MUC5B: variants seen among roughly 807,000 people sequenced by gnomAD.
The protein encoded by MUC5B is mucin-5B.
Under a neutral mutation model 376.9 loss-of-function variants are expected in MUC5B, and 116 were observed. The ratio of observed to expected loss-of-function variants is 0.31; its 90% confidence interval spans 0.26 to 0.36. MUC5B has a LOEUF of 0.36. Ranked by LOEUF, MUC5B falls within the 10% of genes least tolerant of loss-of-function variation. The probability of loss-of-function intolerance (pLI) is 1.00; values close to 1 mark genes in which losing one functional copy is unlikely to be tolerated. For missense variants in MUC5B, 7,165 were observed against 7,769.9 expected (o/e 0.92, Z 2.93); for synonymous variants, 3,517 against 3,390.9 (o/e 1.04, Z -1.29).
chr11:1,226,964 G>A (rs970016998), intron 4 of MUC5B, 67 bp from the exon 5 acceptor site: 6 of 1,568,812 alleles, frequency 3.8e-6, no homozygotes, highest in Admixed American at 1.8e-5. Context: ...GCCAGGGCTG[G>A]GGGGGGGTTG....
In MUC5B at chr11:1,262,036, G is replaced by T. The variant is rs777963881; in HGVS notation, c.*428G>T. On this transcript the variant is annotated 3_prime_UTR_variant, in exon 49 of 49. Transcript: ENST00000529681. The stretch of plus-strand genomic sequence containing the variant: ...CTGCCAGGAAGCTGCGACAGGCAAG[G>T]CGGCCGCCTGTCCATGCCTGCTGCA... The T allele has an allele frequency of 2.3e-5, 12 of 515,658 alleles. No homozygotes were observed. 31.9% of individuals were successfully genotyped at this position (515,658 alleles called of 1,614,324 possible).
rs148759448 is a variant in MUC5B, at chr11:1,252,416, T to C, written c.14937T>C (p.Ile4979=). 0.03 allele frequency: 47,759 copies of C among 1,611,078 alleles called. 907 individuals carry two copies. The highest frequency in any genetic ancestry group is 0.033 in the Non-Finnish European group (38,435 of 1,178,964). The change falls in exon 32 of 49, where the codon ATT becomes ATC. Residue 4979 remains isoleucine, a synonymous_variant. Transcript: ENST00000529681. ...CAGTGTGCAATCAGCACTGTGACAT[T>C]GACCGCTTCCAGGGCGCCTGTCCCA... ...FYAVCNQHCD[I]DRFQGACPTS...
chr11:1,259,220 A>C (rs1285160197), intron 44 of MUC5B, among the ~76,000 whole-genome samples, 159 bp downstream of exon 44: 2 of 105,284 alleles, frequency 1.9e-5, no homozygotes, highest in African/African-American at 3.8e-5. Flanking sequence ...CTTGCCCCCA[A>C]GTGAGACCCG....
At chr11:1,229,440 G>A in intron 9 of MUC5B, 145 bp downstream of exon 9, 1 of 1,050,520 alleles carries the variant, frequency 9.5e-7, no homozygotes, top group South Asian at 1.7e-5. Context: ...GCACTGGCTG[G>A]GAGGGTGCCG....
chr11:1,247,125 C>G lies in MUC5B; in HGVS notation c.10245C>G (p.Ile3415Met), dbSNP rs779255372. 2.5e-6 allele frequency: 4 copies of G among 1,568,724 alleles called. No homozygotes were observed. The East Asian group carries it at 7.2e-5, about 28-fold the overall frequency. The change falls in exon 31 of 49, where the codon ATC becomes ATG. Residue 3415 changes from isoleucine (I) to methionine (M), a missense_variant. Ile to Met is a conservative substitution (Grantham distance 10). Coordinates refer to ENST00000529681, the MANE Select transcript of MUC5B (RefSeq NM_002458.3). ...CCTCAACTCCAGGGACAACTCCCATCCCCCCAGTGCTGACCACCACCGCCA... is the reference window on the plus strand; with the variant it reads ...CCTCAACTCCAGGGACAACTCCCATGCCCCCAGTGCTGACCACCACCGCCA... ...NPSSTPGTTP[I>M]PPVLTTTATT...
chr11:1,234,273 C>T lies in MUC5B; in HGVS notation c.2446C>T (p.Leu816Phe). The change falls in exon 20 of 49, where the codon CTC becomes TTC. Residue 816 changes from leucine to phenylalanine, a missense_variant. Transcript: ENST00000529681. The surrounding 1 kb of genome is among the most constrained non-coding windows in gnomAD (Gnocchi z 6.3). ...SSAGTPGAEC[L>F]RSCHTLDVGC... Reference sequence around the variant, plus strand: ...GGCGGGCACCCCTGGGGCCGAGTGCCTCCGGAGCTGCCACACGCTGGACGT... The same window carrying T: ...GGCGGGCACCCCTGGGGCCGAGTGCTTCCGGAGCTGCCACACGCTGGACGT... 6.2e-7 allele frequency: 1 copy of T among 1,607,008 alleles called. No homozygotes were observed. Among genetic ancestry groups the T allele is most frequent in the Non-Finnish European group, 8.5e-7 (1 of 1,178,304 alleles).
intron 48 of MUC5B, among the ~76,000 whole-genome samples, 183 bp downstream of exon 48, chr11:1,260,911 C>T (rs1449042547): frequency 1.3e-5 from 2 of 152,228 alleles, no homozygotes; most frequent in African/African-American, 2.4e-5. Context: ...TGGGGCCGCT[C>T]TCCTAGCCAG....
At chr11:1,233,760 G>A (rs55771420) in intron 18 of MUC5B, 33 bp from the exon 19 acceptor site, 36,117 of 1,584,622 alleles carry the variant, frequency 0.023, 504 homozygotes, top group Non-Finnish European at 0.027. Context: ...GGTGAGGGCC[G>A]CAGATCCAGG....
rs1554935470 is a variant in MUC5B at position 1,234,879 on chromosome 11, C to T, written c.2630+199C>T. ...CCTGTGCGTCCTCTGGAAGGTGGCC[C>T]AGGGGCCGTGGTGCTACCAGGAGCC... is the stretch of plus-strand genomic sequence containing the variant. On this transcript the variant is annotated intron_variant, in intron 21 of 48. Coordinates refer to ENST00000529681, the MANE Select transcript of MUC5B (RefSeq NM_002458.3). This position sits in a 1 kb window ranked among gnomAD's most constrained non-coding sequence, Gnocchi z 6.3. Among the ~76,000 whole-genome samples, 1 of 152,096 alleles carries T rather than the reference C, an allele frequency of 6.6e-6. No homozygotes were observed. Among genetic ancestry groups the T allele is most frequent in the Non-Finnish European group, 1.5e-5 (1 of 67,980 alleles).
At chr11:1,232,397 G>A in intron 15 of MUC5B, 53 bp from the exon 16 acceptor site, 1 of 1,536,300 alleles carries the variant, frequency 6.5e-7, no homozygotes, top group Admixed American at 1.9e-5. Flanking sequence ...CTGCGTGTCA[G>A]GGGTGTGGGC....
At position 1,251,252 on chromosome 11, in the gene MUC5B, C is replaced by A. The variant is rs765506147; in HGVS notation, c.14372C>A (p.Thr4791Lys). The change falls in exon 31 of 49, where the codon ACA (threonine) becomes AAA (lysine). Residue 4791 changes from threonine (T) to lysine (K), a missense_variant. Coordinates refer to ENST00000529681, the MANE Select transcript of MUC5B (RefSeq NM_002458.3). ...SSTPETTHTS[T>K]VLTTTATMTR... is the part of the protein sequence containing the mutation. The stretch of plus-strand genomic sequence containing the variant: ...ACTCCAGAGACCACCCACACCTCCA[C>A]AGTGCTGACCACCACAGCCACCATG... 6.2e-7 allele frequency: 1 copy of A among 1,611,368 alleles called. No homozygotes were observed. Among genetic ancestry groups the A allele is most frequent in the African/African-American group, 1.3e-5 (1 of 74,762 alleles).
Position 1,223,203 on chromosome 11 carries a change from C to G in MUC5B, c.70+10C>G, listed in dbSNP as rs1417021511. ...GTGGTGCCGCAGGCAGGTAAGAGCC[C>G]CCCACTCCGCCCCCTCTCGATGCTG... On this transcript the variant is annotated intron_variant, in intron 1 of 48. Transcript: ENST00000529681. The G allele has an allele frequency of 1.4e-6, 1 of 710,350 alleles. No individual in the cohort carries two copies. Among genetic ancestry groups the G allele is most frequent in the East Asian group, 2.7e-5 (1 of 37,264 alleles). 44.0% of individuals were successfully genotyped at this position (710,350 alleles called of 1,614,324 possible).
Position 1,246,421 on chromosome 11 carries a change from G to A in MUC5B, c.9541G>A (p.Ala3181Thr). Residue 3181 changes from alanine to threonine, a missense_variant, in exon 31 of 49, where the codon GCC becomes ACC. By Grantham distance (58) the Ala-to-Thr change is moderately conservative. Around this residue, in one of 31 missense-constraint regions of MUC5B, gnomAD observed 939 missense variants for 770.6 expected, o/e 1.22. Coordinates refer to ENST00000529681, the MANE Select transcript of MUC5B (RefSeq NM_002458.3). ...ATVTVPTGST[A>T]TASSTRATAG... ...CGTGACGGTGCCCACCGGATCCACGGCCACCGCCTCCTCCACCCGGGCAAC... is the reference window on the plus strand; with the variant it reads ...CGTGACGGTGCCCACCGGATCCACGACCACCGCCTCCTCCACCCGGGCAAC... 1.2e-6 allele frequency: 2 copies of A among 1,612,964 alleles called. No individual in the cohort carries two copies. The highest frequency in any genetic ancestry group is 1.7e-6 in the Non-Finnish European group (2 of 1,179,600).
At position 1,260,089 on chromosome 11, in the gene MUC5B, T is replaced by C. The variant is rs373464112; in HGVS notation, c.16923+4T>C. On this transcript the variant is annotated splice_donor_region_variant and intron_variant, in intron 46 of 48. Coordinates refer to ENST00000529681, the MANE Select transcript of MUC5B (RefSeq NM_002458.3). ...CCCAGATGTGTCCAGCTGCAGGGTGTGTGCTGGAGGCCCTGCCCCTGCCTG... is the reference window on the plus strand; with the variant it reads ...CCCAGATGTGTCCAGCTGCAGGGTGCGTGCTGGAGGCCCTGCCCCTGCCTG... 4.3e-6 allele frequency: 7 copies of C among 1,612,122 alleles called. No homozygotes were observed. In the African/African-American group the frequency reaches 9.3e-5, roughly 22 times the overall value.
chr11:1,240,020 C>A, intron 28 of MUC5B, 25 bp from the exon 29 acceptor site: 1 of 1,589,614 alleles, frequency 6.3e-7, no homozygotes. Flanking sequence ...CCCAGGCCCT[C>A]AGCTCGCCTC....
rs202188534 is a variant in MUC5B, at chr11:1,249,689, C to T, written c.12809C>T (p.Ser4270Phe). ...TASTGSTATP[S>F]STPGTAPPPK... ...TCCACTGGATCCACGGCCACCCCGT[C>T]CTCCACCCCGGGAACAGCTCCCCCT... is the stretch of plus-strand genomic sequence containing the variant. The change falls in exon 31 of 49, where the codon TCC (serine) becomes TTC (phenylalanine). Residue 4270 changes from serine to phenylalanine, a missense_variant. By Grantham distance (155) the Ser-to-Phe change is radical (BLOSUM62 -2). Transcript: ENST00000529681. 192 of 1,610,440 alleles carry T rather than the reference C, an allele frequency of 1.2e-4. 11 individuals are homozygous for T. Among genetic ancestry groups the T allele is most frequent in the Middle Eastern group, 3.3e-4 (2 of 6,082 alleles).
Position 1,230,106 on chromosome 11 carries a change from A to G in MUC5B, c.1322A>G (p.Tyr441Cys). 6.2e-7 allele frequency: 1 copy of G among 1,612,160 alleles called. No homozygotes were observed. Among genetic ancestry groups the G allele is most frequent in the Non-Finnish European group, 8.5e-7 (1 of 1,179,404 alleles). The change falls in exon 11 of 49, where the codon TAC becomes TGC. Residue 441 changes from tyrosine (Y) to cysteine (C), a missense_variant. Tyr to Cys is a radical substitution (Grantham distance 194, BLOSUM62 -2). Around this residue, in one of 31 missense-constraint regions of MUC5B, gnomAD observed 640 missense variants for 733.0 expected, o/e 0.87. Transcript: ENST00000529681. ...ATCTCCACCTATGATGAGAAACTCT[A>G]CGACCTGCATGGTGACTGCAGCTAC... ...AHISTYDEKLYDLHGDCSYVL... is the reference protein window; with the variant it reads ...AHISTYDEKLCDLHGDCSYVL...
In MUC5B at chr11:1,244,358, C is replaced by T. The variant is rs1862387549; in HGVS notation, c.7478C>T (p.Thr2493Ile). The change falls in exon 31 of 49, where the codon ACC becomes ATC. Residue 2493 changes from threonine (T) to isoleucine (I), a missense_variant. Thr to Ile is a moderately conservative substitution (Grantham distance 89, BLOSUM62 -1). Around this residue, in one of 31 missense-constraint regions of MUC5B, gnomAD observed 194 missense variants for 268.5 expected, o/e 0.72. Transcript: ENST00000529681. The part of the protein sequence containing the change: ...TASSTQATAG[T>I]PHVSTTATTP... Reference sequence around the variant, plus strand: ...TCCTCCACCCAGGCAACTGCTGGCACCCCACATGTGAGCACCACGGCCACG... The same window carrying T: ...TCCTCCACCCAGGCAACTGCTGGCATCCCACATGTGAGCACCACGGCCACG... The T allele has an allele frequency of 3.8e-6, 6 of 1,597,910 alleles. No individual in the cohort carries two copies. The highest frequency in any genetic ancestry group is 5.1e-6 in the Non-Finnish European group (6 of 1,169,398).
Position 1,251,643 on chromosome 11 carries a change from GTCC to G in MUC5B, c.14769_14771del (p.Ser4924del), listed in dbSNP as rs755854119. On this transcript the variant is annotated inframe_deletion, in exon 31 of 49. Transcript: ENST00000529681. ...TGCCAACCTTCAGCGTGTCCACTGT[GTCC>G]TCCTCAGTCCTCACCACCCTGAGAC... 2.5e-6 allele frequency: 4 copies of G among 1,613,084 alleles called. No individual in the cohort carries two copies. Among genetic ancestry groups the G allele is most frequent in the East Asian group, 2.2e-5 (1 of 44,886 alleles).
Sources: allele counts gnomAD v4.1 joint callset (sites outside exome capture counted in the v4.1 genomes callset), GRCh38; gene constraint gnomAD v4.1.1; regional missense constraint gnomAD v4.1.1; non-coding constraint Gnocchi (gnomAD v3.1); transcripts MANE v1.5; gene names NCBI Gene and HGNC (gene_info 2026-07-23, HGNC 2026-07-21).